NCOR2: variants seen among roughly 807,000 people sequenced by gnomAD.
NCOR2 encodes nuclear receptor corepressor 2.
NCOR2 carries 81 observed loss-of-function variants against 262.9 expected under a neutral mutation model. The ratio of observed to expected loss-of-function variants is 0.31; its 90% CI spans 0.26 to 0.37. The LOEUF (loss-of-function observed/expected upper bound fraction) is 0.37. NCOR2 is among the 10% of genes least tolerant of loss of function. NCOR2 has a pLI of 1.00. For missense variants in NCOR2, 3,385 were observed against 3,621.4 expected (o/e 0.93, Z 1.68); for synonymous variants, 1,659 against 1,559.3 (o/e 1.06, Z -1.51).
chr12:124,334,944 C>T (rs1396435444), intron 40 of NCOR2, 191 bp downstream of exon 42: 7 of 773,074 alleles, frequency 9.1e-6, no homozygotes, highest in South Asian at 3.5e-5. Context: ...GATTAGGGGG[C>T]GGTGATGGTG....
chr12:124,535,540 C>A (rs1014864798), intron 1 of NCOR2, 25 bp downstream of exon 2: 6 of 152,230 alleles, frequency 3.9e-5, no homozygotes, highest in Admixed American at 1.3e-4. Flanking sequence ...CTGGGGACAC[C>A]AAGTGGAGAC....
At chr12:124,484,728 A>G (rs1158406165) in intron 2 of NCOR2, among the ~76,000 whole-genome samples, 2 of 152,114 alleles carry the variant, frequency 1.3e-5, no homozygotes, top group Non-Finnish European at 2.9e-5. Flanking sequence ...GTCCCAGGCC[A>G]GACCACACTA....
intron 14 of NCOR2, among the ~76,000 whole-genome samples, chr12:124,402,195 GGA>G (rs1941385826): frequency 6.6e-6 from 1 of 152,196 alleles, no homozygotes; most frequent in Admixed American, 6.5e-5. Flanking sequence ...CGAGGGCGGA[GGA>G]GAGGGGGGAG....
intron 13 of NCOR2, among the ~76,000 whole-genome samples, chr12:124,414,183 T>G (rs530365837): frequency 6.6e-6 from 1 of 152,144 alleles, no homozygotes; most frequent in Non-Finnish European, 1.5e-5. Flanking sequence ...CGGCTGGGCC[T>G]CCCTCCAACT....
chr12:124,486,487 G>A, exon 2 of NCOR2: 1 of 1,610,950 alleles, frequency 6.2e-7, no homozygotes, highest in Non-Finnish European at 8.5e-7. Flanking sequence ...GGCCTCCGCC[G>A]CTGGGGCTGG....
chr12:124,354,627 G>A (rs778774541), intron 25 of NCOR2, 45 bp from the exon 28 acceptor site: 1 of 1,459,718 alleles, frequency 6.9e-7, no homozygotes, highest in Non-Finnish European at 9.1e-7. Context: ...CCGGAGCAGG[G>A]TCCCGGGAGG....
chr12:124,512,321 C>G (rs2137028148), intron 1 of NCOR2, among the ~76,000 whole-genome samples: 1 of 152,382 alleles, frequency 6.6e-6, no homozygotes, highest in Middle Eastern at 3.4e-3. Context: ...CTTTCTGCCT[C>G]TTCCAGATGC....
At chr12:124,337,370 C>A (rs1015390056) in intron 37 of NCOR2, 190 bp from the exon 40 acceptor site, 1 of 750,452 alleles carries the variant, frequency 1.3e-6, no homozygotes, top group Non-Finnish European at 2.3e-6. Context: ...TTCGTTCATT[C>A]ATTCCTTGCA....
In NCOR2 at chr12:124,473,182, G is replaced by A. The variant is rs186170731; in HGVS notation, c.412-51C>T. The A allele has an allele frequency of 2.1e-4, 335 of 1,600,140 alleles. 5 individuals are homozygous for A. The Admixed American group carries it at 5.6e-3, about 27-fold the overall frequency. The stretch of plus-strand genomic sequence containing the variant: ...GGGTCAGCACAGGGGACACCCCCCA[G>A]TCTGTACAACCCTGTGATGGTTAAT... On this transcript the variant is annotated intron_variant, in intron 3 of 46. Coordinates refer to ENST00000405201, the Ensembl canonical transcript of NCOR2.
At chr12:124,487,500 T>TTGGCCTTGGCCTTGCGGGGCTCTGCCC (rs1256790739) in intron 1 of NCOR2, among the ~76,000 whole-genome samples, 1 of 152,270 alleles carries the variant, frequency 6.6e-6, no homozygotes, top group Non-Finnish European at 1.5e-5. Context: ...GGCCTCGGCC[T>TTGGCCTTGGCCTTGCGGGGCTCTGCCC]TGGCCTTGGC....
Position 124,466,089 on chromosome 12 carries a change from C to T in NCOR2, c.705+84G>A, listed in dbSNP as rs1030908823. On this transcript the variant is annotated intron_variant, in intron 5 of 46. Coordinates refer to ENST00000405201, the Ensembl canonical transcript of NCOR2. ...GGTCCCCTCCCCACATAGATGGAAA[C>T]ACTGAGGCCTGATTCATGGTGCCCC... 61 of 1,312,372 alleles carry T rather than the reference C, an allele frequency of 4.6e-5. No homozygotes were observed. In the African/African-American group the frequency reaches 6.9e-4, roughly 15 times the overall value. 81.3% of individuals were successfully genotyped at this position (1,312,372 alleles called of 1,614,324 possible).
At chr12:124,400,105 A>G (rs1474301015) in intron 15 of NCOR2, among the ~76,000 whole-genome samples, 1 of 152,088 alleles carries the variant, frequency 6.6e-6, no homozygotes. Flanking sequence ...TAAAAACGAC[A>G]ACCAAAAAAT....
exon 21 of NCOR2, chr12:124,363,702 G>C: frequency 7.1e-7 from 1 of 1,400,372 alleles, no homozygotes; most frequent in South Asian, 1.8e-5. Flanking sequence ...GCAGCCGCTC[G>C]CTGCTTCAGC....
At chr12:124,392,407 C>T (rs2041368152) in intron 16 of NCOR2, among the ~76,000 whole-genome samples, 1 of 152,182 alleles carries the variant, frequency 6.6e-6, no homozygotes, top group African/African-American at 2.4e-5. Flanking sequence ...CCCTAGTGGT[C>T]TCTCTCCAGA....
chr12:124,476,734 C>T (rs991040155), intron 3 of NCOR2, among the ~76,000 whole-genome samples: 7 of 152,010 alleles, frequency 4.6e-5, no homozygotes, highest in African/African-American at 1.2e-4. Flanking sequence ...AGCTTTTATT[C>T]GCAGCAAAAT....
Position 124,344,581 on chromosome 12 carries a change from T to G in NCOR2, c.4714+16A>C. Reference sequence around the variant, plus strand: ...CAGGCGCCCACCCCACTCACGCCCATGCACACCCCACTCACCCTCCTGCAG... The same window carrying G: ...CAGGCGCCCACCCCACTCACGCCCAGGCACACCCCACTCACCCTCCTGCAG... On this transcript the variant is annotated intron_variant, in intron 32 of 46. Coordinates refer to ENST00000405201, the Ensembl canonical transcript of NCOR2. 6.9e-7 allele frequency: 1 copy of G among 1,442,910 alleles called. No individual in the cohort carries two copies. The highest frequency in any genetic ancestry group is 1.5e-5 in the South Asian group (1 of 68,088). 89.4% of individuals were successfully genotyped at this position (1,442,910 alleles called of 1,614,324 possible).
At position 124,433,068 on chromosome 12, in the gene NCOR2, T is replaced by A. The variant is rs566059100; in HGVS notation, c.883-2281A>T. ...GCCCCACCCCACCCCATATTTCAGC[T>A]GCTGACCAAGGGCAAGCTGTGCCCT... On this transcript the variant is annotated intron_variant, in intron 8 of 46. Transcript: ENST00000405201. Among the ~76,000 whole-genome samples the A allele has an allele frequency of 4.6e-4, 70 of 152,288 alleles. 1 individual carries two copies. In the South Asian group the frequency reaches 0.014, roughly 32 times the overall value.
intron 21 of NCOR2, 107 bp from the exon 24 acceptor site, chr12:124,362,404 CA>C: frequency 2.9e-6 from 3 of 1,018,628 alleles, no homozygotes; most frequent in Non-Finnish European, 4.0e-6. Context: ...CCGGGAAAGC[CA>C]GCGACATGCT....
chr12:124,435,545 G>A (rs2044286321), intron 8 of NCOR2, among the ~76,000 whole-genome samples: 1 of 152,208 alleles, frequency 6.6e-6, no homozygotes, highest in Non-Finnish European at 1.5e-5. Flanking sequence ...CCAAGTTCGG[G>A]GCCAGAGCAG....
Sources: allele counts gnomAD v4.1 joint callset (sites outside exome capture counted in the v4.1 genomes callset), GRCh38; gene constraint gnomAD v4.1.1; transcripts MANE v1.5; gene names NCBI Gene and HGNC (gene_info 2026-07-23, HGNC 2026-07-21).